Variants in DNAJC6 observed in about 807,000 individuals in gnomAD.
The protein encoded by DNAJC6 is auxilin.
DNAJC6 carries 34 observed loss-of-function variants against 110.0 expected under a neutral mutation model. The ratio of observed to expected loss-of-function variants is 0.31; its 90% CI spans 0.24 to 0.41. The LOEUF (loss-of-function observed/expected upper bound fraction) is 0.41. Among genes scored for constraint, DNAJC6 ranks in the 10% least tolerant of loss-of-function variants. The pLI, the probability that DNAJC6 is intolerant of heterozygous loss-of-function variation, is 1.00. For missense variants in DNAJC6, 1,031 were observed against 1,207.8 expected (o/e 0.85, Z 2.17); for synonymous variants, 406 against 437.2 (o/e 0.93, Z 0.89).
At chr1:65,380,023 A>G (rs1474787991) in intron 5 of DNAJC6, among the ~76,000 whole-genome samples, 3 of 152,204 alleles carry the variant, frequency 2.0e-5, no homozygotes, top group Non-Finnish European at 2.9e-5. Flanking sequence ...TCCTTTCCCT[A>G]ACTCTTCTCA....
intron 4 of DNAJC6, among the ~76,000 whole-genome samples, chr1:65,374,134 G>A (rs1259158180): frequency 1.3e-5 from 2 of 152,116 alleles, no homozygotes; most frequent in African/African-American, 4.8e-5. Flanking sequence ...TGTTCCATTA[G>A]TCCATGTGCC....
chr1:65,375,495 G>A (rs1181708612), intron 4 of DNAJC6, among the ~76,000 whole-genome samples: 1 of 150,674 alleles, frequency 6.6e-6, no homozygotes, highest in Non-Finnish European at 1.5e-5. Flanking sequence ...GTGCGATCTC[G>A]GCTCACTGCA....
upstream of DNAJC6, among the ~76,000 whole-genome samples, chr1:65,306,272 C>A (rs963978481): frequency 7.2e-5 from 11 of 152,186 alleles, no homozygotes; most frequent in Middle Eastern, 0.01. Flanking sequence ...TGGTCTCAAT[C>A]TCCTGACCTC....
chr1:65,311,219 T>TG (rs1347488906), intron 1 of DNAJC6, among the ~76,000 whole-genome samples: 16 of 115,370 alleles, frequency 1.4e-4, no homozygotes, highest in African/African-American at 6.2e-4. Flanking sequence ...AGGACTGTTT[T>TG]TTTTTTTTTT....
intron 1 of DNAJC6, chr1:65,298,668 T>C (rs963599418): frequency 3.3e-5 from 5 of 152,196 alleles, no homozygotes; most frequent in African/African-American, 1.2e-4. Context: ...CACATATTCA[T>C]GTTTCACAGA....
intron 1 of DNAJC6, among the ~76,000 whole-genome samples, chr1:65,291,905 C>A (rs1265959339): frequency 1.3e-5 from 2 of 152,160 alleles, no homozygotes. Flanking sequence ...TTTCTTCTTT[C>A]GTTCCTACTT....
intron 1 of DNAJC6, among the ~76,000 whole-genome samples, chr1:65,286,861 C>T (rs2101209876): frequency 6.6e-6 from 1 of 152,152 alleles, no homozygotes; most frequent in East Asian, 1.9e-4. Flanking sequence ...TTGATGAAGG[C>T]CTTGAGGATC....
chr1:65,370,344 C>T (rs369787961), intron 4 of DNAJC6, among the ~76,000 whole-genome samples: 7 of 152,184 alleles, frequency 4.6e-5, no homozygotes, highest in East Asian at 1.9e-4. Context: ...TAACCAACAC[C>T]GCTATCTATA....
At position 65,389,428 on chromosome 1, in the gene DNAJC6, C is replaced by G. The variant is rs745350696; in HGVS notation, c.1366C>G (p.Gln456Glu). The G allele has an allele frequency of 6.2e-7, 1 of 1,614,106 alleles. No homozygotes were observed. The highest frequency in any genetic ancestry group is 8.5e-7 in the Non-Finnish European group (1 of 1,180,006). ...SILFSSHQEH[Q>E]DTLALGGQAP... is the part of the protein sequence containing the mutation. ...CCTCTTCTCTTCTCACCAGGAACAT[C>G]AAGATACGCTGGCCTTAGGAGGTAT... The change falls in exon 10 of 19, where the codon CAA becomes GAA. Residue 456 changes from glutamine to glutamate, a missense_variant. Transcript: ENST00000371069.
chr1:65,350,471 T>G (rs1049178917), intron 1 of DNAJC6, among the ~76,000 whole-genome samples: 6 of 152,226 alleles, frequency 3.9e-5, no homozygotes, highest in Admixed American at 2.6e-4. Flanking sequence ...GTTCTATTTC[T>G]ATTTACTGCT....
intron 1 of DNAJC6, among the ~76,000 whole-genome samples, chr1:65,311,191 C>T (rs1348107013): frequency 6.9e-6 from 1 of 144,034 alleles, no homozygotes; most frequent in African/African-American, 2.6e-5. Context: ...AAATGATCCC[C>T]AAGGGATTGA....
intron 1 of DNAJC6, among the ~76,000 whole-genome samples, chr1:65,356,476 C>G (rs1454780583): frequency 6.6e-6 from 1 of 151,658 alleles, no homozygotes; most frequent in Non-Finnish European, 1.5e-5. Context: ...AGGTGGGAGA[C>G]TCACTTGAGC....
At chr1:65,270,752 C>T (rs766560884) in intron 1 of DNAJC6, among the ~76,000 whole-genome samples, 1 of 152,114 alleles carries the variant, frequency 6.6e-6, no homozygotes, top group Non-Finnish European at 1.5e-5. Flanking sequence ...GATCTTGGCT[C>T]GCTGCAACGT....
intron 1 of DNAJC6, among the ~76,000 whole-genome samples, chr1:65,334,208 AGTAGGAGAACATG>A (rs1449116420): frequency 2.0e-5 from 3 of 152,266 alleles, no homozygotes; most frequent in African/African-American, 7.2e-5. Context: ...TGACAGGAGA[AGTAGGAGAACATG>A]GGTTACAAAA....
At chr1:65,376,483 T>C (rs892047460) in intron 4 of DNAJC6, among the ~76,000 whole-genome samples, 6 of 151,904 alleles carry the variant, frequency 3.9e-5, no homozygotes, top group Non-Finnish European at 5.9e-5. Flanking sequence ...TGTTAGGTTG[T>C]TAATTTGAAG....
chr1:65,291,793 T>G (rs1644877656), intron 1 of DNAJC6, among the ~76,000 whole-genome samples: 1 of 152,144 alleles, frequency 6.6e-6, no homozygotes, highest in African/African-American at 2.4e-5. Context: ...TATGAAAAGT[T>G]TGATAGAAAA....
intron 4 of DNAJC6, among the ~76,000 whole-genome samples, chr1:65,376,965 G>A (rs1488376916): frequency 4.6e-5 from 7 of 152,002 alleles, no homozygotes; most frequent in Non-Finnish European, 1.0e-4. Context: ...GAGTTTCACT[G>A]TGTTGGCCAG....
At position 65,302,508 on chromosome 1, in the gene DNAJC6, G is replaced by A. The variant is rs562601930; in HGVS notation, c.-131+37576G>A. The stretch of plus-strand genomic sequence containing the variant: ...AGTTTGCCTCCCCCTTAACCCCCTT[G>A]CTGTCTCTTCCTTTCTTTTTTTTTT... On this transcript the variant is annotated intron_variant, in intron 1 of 19. Transcript: ENST00000263441. Among the ~76,000 whole-genome samples, 9 of 143,224 alleles carry A rather than the reference G, an allele frequency of 6.3e-5. No individual in the cohort carries two copies. In the East Asian group the frequency reaches 1.6e-3, roughly 26 times the overall value. The allele number at this position is 143,224 out of a possible 152,430, so 94.0% of individuals were successfully genotyped here. A position where few individuals can be genotyped will look rare whatever the true frequency, so the allele number is the denominator to read the frequency against.
upstream of DNAJC6, chr1:65,306,547 T>A (rs1645040311): frequency 6.6e-6 from 1 of 152,208 alleles, no homozygotes; most frequent in Admixed American, 6.5e-5. Flanking sequence ...TCCTCAGTAT[T>A]CCTCAGTGTC....
Sources: allele counts gnomAD v4.1 joint callset (sites outside exome capture counted in the v4.1 genomes callset), GRCh38; gene constraint gnomAD v4.1.1; transcripts MANE v1.5; gene names NCBI Gene and HGNC (gene_info 2026-07-23, HGNC 2026-07-21).